PTPRD: variants seen among roughly 807,000 people sequenced by gnomAD.
PTPRD encodes the protein protein tyrosine phosphatase receptor type D.
Under a neutral mutation model 214.5 loss-of-function variants are expected in PTPRD, and 34 were observed. That is an observed-to-expected ratio of 0.16 (90% confidence interval 0.12 to 0.21). The LOEUF (loss-of-function observed/expected upper bound fraction) is 0.21, where lower values mean the gene tolerates loss of function less well. Ranked by LOEUF, PTPRD falls within the 10% of genes least tolerant of loss-of-function variation. The pLI is 1.00. For missense variants in PTPRD, 2,545 were observed against 2,398.7 expected, an observed-to-expected ratio of 1.06 and a Z score of -1.27; for synonymous variants, 1,128 against 845.7, an observed-to-expected ratio of 1.33 and a Z score of -5.79.
At chr9:10,054,350 T>C (rs1371715962) in intron 3 of PTPRD, among the ~76,000 whole-genome samples, 1 of 152,198 alleles carries the variant, frequency 6.6e-6, no homozygotes, top group Admixed American at 6.5e-5. Flanking sequence ...ACATAATCTA[T>C]AAAATTTGCA....
At chr9:8,981,222 T>A (rs1044831097) in intron 11 of PTPRD, among the ~76,000 whole-genome samples, 3 of 151,494 alleles carry the variant, frequency 2.0e-5, no homozygotes, top group African/African-American at 7.3e-5. Context: ...GAGCTCAGCA[T>A]AGAGATTAAA....
intron 4 of PTPRD, among the ~76,000 whole-genome samples, chr9:9,979,148 A>G (rs1417548337): frequency 1.3e-5 from 2 of 152,084 alleles, no homozygotes; most frequent in Non-Finnish European, 2.9e-5. Flanking sequence ...TCCTTCAGGC[A>G]GAAGGAATAT....
At chr9:10,111,572 T>A (rs1293235762) in intron 3 of PTPRD, among the ~76,000 whole-genome samples, 1 of 152,088 alleles carries the variant, frequency 6.6e-6, no homozygotes, top group East Asian at 1.9e-4. Flanking sequence ...GAAGGTTCAG[T>A]TGTATTATTA....
At chr9:9,668,678 CTACTTT>C (rs951085247) in intron 7 of PTPRD, among the ~76,000 whole-genome samples, 64 of 152,252 alleles carry the variant, frequency 4.2e-4, no homozygotes, top group African/African-American at 1.5e-3. Context: ...CATTCTAAAG[CTACTTT>C]TACCTATTTA....
At chr9:9,736,337 G>C (rs1194670838) in intron 6 of PTPRD, among the ~76,000 whole-genome samples, 1 of 151,946 alleles carries the variant, frequency 6.6e-6, no homozygotes, top group African/African-American at 2.4e-5. Context: ...TTATTTATGA[G>C]ATTCATTCAT....
chr9:8,511,936 C>T (rs1371203814), intron 21 of PTPRD, among the ~76,000 whole-genome samples: 1 of 151,896 alleles, frequency 6.6e-6, no homozygotes, highest in African/African-American at 2.4e-5. Flanking sequence ...AAAAGACTAA[C>T]AAGAGAAACC....
intron 14 of PTPRD, among the ~76,000 whole-genome samples, chr9:8,578,366 C>G (rs1005366238): frequency 3.9e-5 from 6 of 151,990 alleles, no homozygotes; most frequent in African/African-American, 1.5e-4. Flanking sequence ...CCTCCAACCC[C>G]TATATATAGT....
intron 10 of PTPRD, among the ~76,000 whole-genome samples, chr9:9,032,263 A>T (rs2099608013): frequency 6.6e-6 from 1 of 151,970 alleles, no homozygotes; most frequent in African/African-American, 2.4e-5. Flanking sequence ...TGAAACGAGG[A>T]TTGCAAATAG....
intron 5 of PTPRD, among the ~76,000 whole-genome samples, chr9:9,916,730 A>G (rs2080937597): frequency 6.6e-6 from 1 of 152,026 alleles, no homozygotes; most frequent in Non-Finnish European, 1.5e-5. Flanking sequence ...CCATAGAACA[A>G]ATGGATCTAA....
At chr9:9,610,604 T>G (rs2094464072) in intron 7 of PTPRD, among the ~76,000 whole-genome samples, 2 of 152,192 alleles carry the variant, frequency 1.3e-5, no homozygotes, top group African/African-American at 4.8e-5. Context: ...ACAAATATTG[T>G]CTAAACTTTA....
chr9:9,383,437 T>C (rs1052932394), intron 9 of PTPRD, among the ~76,000 whole-genome samples: 6 of 152,164 alleles, frequency 3.9e-5, no homozygotes, highest in African/African-American at 1.4e-4. Context: ...ATTTACAAAG[T>C]ACTAACTGAA....
At chr9:10,500,100 G>A (rs1175150730) in intron 2 of PTPRD, among the ~76,000 whole-genome samples, 3 of 151,406 alleles carry the variant, frequency 2.0e-5, no homozygotes, top group East Asian at 1.9e-4. Context: ...TTCTACTAAC[G>A]GATTTCTCCC....
chr9:10,017,906 T>A (rs1204676410), intron 4 of PTPRD, among the ~76,000 whole-genome samples: 1 of 152,094 alleles, frequency 6.6e-6, no homozygotes, highest in Non-Finnish European at 1.5e-5. Flanking sequence ...ATACCCTCAC[T>A]TAAAACAACA....
intron 11 of PTPRD, among the ~76,000 whole-genome samples, chr9:8,995,118 TA>T (rs201510018): frequency 0.012 from 1,810 of 152,112 alleles, 36 homozygotes; most frequent in African/African-American, 0.035. Flanking sequence ...ATAAATTTAT[TA>T]GATATATAAC....
intron 8 of PTPRD, among the ~76,000 whole-genome samples, chr9:9,439,239 G>A (rs1369193591): frequency 2.0e-5 from 3 of 151,970 alleles, no homozygotes; most frequent in Non-Finnish European, 1.5e-5. Flanking sequence ...AAAGAAATTA[G>A]TGAGTACTCT....
At chr9:9,532,918 TA>T (rs894084999) in intron 8 of PTPRD, among the ~76,000 whole-genome samples, 7 of 152,178 alleles carry the variant, frequency 4.6e-5, no homozygotes, top group Non-Finnish European at 8.8e-5. Context: ...GTGGACTATT[TA>T]AAAATTTTGG....
chr9:10,027,289 G>T (rs539686204), intron 4 of PTPRD, among the ~76,000 whole-genome samples: 1 of 152,134 alleles, frequency 6.6e-6, no homozygotes, highest in Non-Finnish European at 1.5e-5. Flanking sequence ...TCATCATGTT[G>T]TTAAAAATAG....
At chr9:8,623,355 T>G (rs2095880964) in intron 14 of PTPRD, among the ~76,000 whole-genome samples, 1 of 151,890 alleles carries the variant, frequency 6.6e-6, no homozygotes, top group Admixed American at 6.6e-5. Flanking sequence ...CAGAATGATG[T>G]TCAAATTTCA....
intron 11 of PTPRD, among the ~76,000 whole-genome samples, chr9:8,871,964 T>A (rs999813453): frequency 6.6e-6 from 1 of 152,142 alleles, no homozygotes; most frequent in Non-Finnish European, 1.5e-5. Flanking sequence ...AAATGTGTCC[T>A]CTGCAAGCCA....
Sources: allele counts gnomAD v4.1 joint callset (sites outside exome capture counted in the v4.1 genomes callset), GRCh38; gene constraint gnomAD v4.1.1; transcripts MANE v1.5; gene names NCBI Gene and HGNC (gene_info 2026-07-23, HGNC 2026-07-21).